MTMR7: variants seen among roughly 807,000 people sequenced by gnomAD.
MTMR7 encodes the protein phosphatidylinositol-3-phosphate phosphatase MTMR7.
A neutral mutation model predicts 81.2 loss-of-function variants in MTMR7; 76 were observed. That is an observed-to-expected ratio of 0.94 (90% CI 0.78 to 1.13). The LOEUF is 1.13. Among genes scored for constraint, MTMR7 ranks in the 50% most tolerant of loss-of-function variants. The probability of loss-of-function intolerance (pLI) is 0.00; values close to 1 mark genes in which losing one functional copy is unlikely to be tolerated. For missense variants in MTMR7, 1,044 were observed against 820.0 expected (o/e 1.27, Z -3.34); for synonymous variants, 372 against 289.8 (o/e 1.28, Z -2.88).
rs184571999 is a variant in MTMR7 at position 17,299,685 on chromosome 8, G to T, written c.*177C>A. On this transcript the variant is annotated 3_prime_UTR_variant, in exon 14 of 14. Coordinates refer to ENST00000180173, the MANE Select transcript of MTMR7 (RefSeq NM_004686.5). ...TATATTTGATAAATGAAATGACTAC[G>T]TCCTCTTCAGTATCTAAGAAATCAA... The T allele has an allele frequency of 1.3e-6, 1 of 754,694 alleles. No homozygotes were observed. The highest frequency in any genetic ancestry group is 3.9e-4 in the Middle Eastern group (1 of 2,546). The allele number at this position is 754,694 out of a possible 1,614,324, so 46.7% of individuals were successfully genotyped here.
intron 1 of MTMR7, among the ~76,000 whole-genome samples, chr8:17,385,665 C>T (rs1159844782): frequency 6.6e-6 from 1 of 152,160 alleles, no homozygotes; most frequent in Non-Finnish European, 1.5e-5. Flanking sequence ...GTACTGTCCT[C>T]ACGATGGTGA....
At chr8:17,331,010 TA>T in intron 7 of MTMR7, 139 bp downstream of exon 7, 1 of 1,036,224 alleles carries the variant, frequency 9.7e-7, no homozygotes, top group Non-Finnish European at 1.4e-6. Context: ...CTTAAGTGTT[TA>T]AAAAGCCACT....
At chr8:17,345,048 C>T (rs1295593568) in intron 5 of MTMR7, among the ~76,000 whole-genome samples, 2 of 152,176 alleles carry the variant, frequency 1.3e-5, no homozygotes, top group Non-Finnish European at 2.9e-5. Flanking sequence ...GAATTCCGAA[C>T]GCACATGACT....
chr8:17,332,035 G>A (rs1326225705), intron 6 of MTMR7, among the ~76,000 whole-genome samples: 1 of 152,184 alleles, frequency 6.6e-6, no homozygotes, highest in Non-Finnish European at 1.5e-5. Flanking sequence ...CTAAAATCAA[G>A]AAGGGGACAA....
chr8:17,368,614 T>A (rs921172045), intron 3 of MTMR7, among the ~76,000 whole-genome samples: 1 of 152,080 alleles, frequency 6.6e-6, no homozygotes, highest in Non-Finnish European at 1.5e-5. Context: ...CATTTCCCCA[T>A]CTCCCTCCAG....
chr8:17,316,791 T>G (rs1337815696), intron 7 of MTMR7, among the ~76,000 whole-genome samples: 2 of 152,176 alleles, frequency 1.3e-5, no homozygotes, highest in African/African-American at 2.4e-5. Flanking sequence ...AGGATGTGCA[T>G]AGGCTATATG....
In MTMR7 at chr8:17,331,301, C is replaced by G; in HGVS notation, c.733-19G>C. On this transcript the variant is annotated intron_variant, in intron 6 of 13. Coordinates refer to ENST00000180173, the MANE Select transcript of MTMR7 (RefSeq NM_004686.5). Reference sequence around the variant, plus strand: ...CATTAAGCTGCAGTGGTCAGCAAAACAGAACAGTCATCAATTACATTGATG... The same window carrying G: ...CATTAAGCTGCAGTGGTCAGCAAAAGAGAACAGTCATCAATTACATTGATG... 2 of 1,566,640 alleles carry G rather than the reference C, an allele frequency of 1.3e-6. No homozygotes were observed. The highest frequency in any genetic ancestry group is 2.4e-5 in the South Asian group (2 of 84,028).
chr8:17,322,115 G>T (rs1419632825), intron 7 of MTMR7, among the ~76,000 whole-genome samples: 2 of 134,860 alleles, frequency 1.5e-5, no homozygotes, highest in African/African-American at 6.3e-5. Context: ...TACCAGCCCA[G>T]CACTTGTCTG....
intron 3 of MTMR7, among the ~76,000 whole-genome samples, chr8:17,368,562 T>C (rs1820308837): frequency 6.6e-6 from 1 of 152,160 alleles, no homozygotes; most frequent in African/African-American, 2.4e-5. Context: ...GACCACCCCA[T>C]CCCCCAGTTG....
chr8:17,328,789 G>T (rs1463659354), intron 7 of MTMR7, among the ~76,000 whole-genome samples: 2 of 152,138 alleles, frequency 1.3e-5, no homozygotes, highest in African/African-American at 4.8e-5. Flanking sequence ...ATTATCAAAA[G>T]GGAAACTATC....
intron 5 of MTMR7, among the ~76,000 whole-genome samples, chr8:17,342,581 AG>A (rs1440107321): frequency 2.0e-5 from 3 of 152,246 alleles, no homozygotes; most frequent in Non-Finnish European, 4.4e-5. Flanking sequence ...ATCTCTCCAA[AG>A]GGCTTGGGTG....
chr8:17,369,639 T>A (rs1193944038), intron 3 of MTMR7, among the ~76,000 whole-genome samples: 2 of 142,438 alleles, frequency 1.4e-5, no homozygotes, highest in Non-Finnish European at 3.1e-5. Context: ...ATTTCTTTTT[T>A]TCTTTTTTTT....
At chr8:17,397,414 G>A (rs562295167) in intron 1 of MTMR7, among the ~76,000 whole-genome samples, 9 of 152,248 alleles carry the variant, frequency 5.9e-5, no homozygotes, top group South Asian at 2.1e-4. Flanking sequence ...GGCTTTAAGC[G>A]AACGTCGGTG....
At chr8:17,341,224 C>G in intron 6 of MTMR7, 139 bp downstream of exon 6, 6 of 1,119,350 alleles carry the variant, frequency 5.4e-6, no homozygotes, top group Non-Finnish European at 7.5e-6. Context: ...GCAGGGTGCC[C>G]AGACACTGAC....
At chr8:17,343,120 T>C (rs1476569892) in intron 5 of MTMR7, among the ~76,000 whole-genome samples, 2 of 152,268 alleles carry the variant, frequency 1.3e-5, no homozygotes, top group South Asian at 2.1e-4. Context: ...GATGATACTT[T>C]ATCCGGGTTA....
At chr8:17,308,490 A>G (rs567219969) in intron 10 of MTMR7, among the ~76,000 whole-genome samples, 63 of 152,356 alleles carry the variant, frequency 4.1e-4, no homozygotes, top group African/African-American at 1.5e-3. Context: ...CTACAAAAAT[A>G]TACTTGAGCA....
At chr8:17,399,783 C>G (rs1048871002) in intron 1 of MTMR7, among the ~76,000 whole-genome samples, 1 of 151,246 alleles carries the variant, frequency 6.6e-6, no homozygotes, top group Non-Finnish European at 1.5e-5. Flanking sequence ...TCACAGTAGT[C>G]GAGATTTGGA....
Position 17,361,402 on chromosome 8 carries a change from T to C in MTMR7, c.311-128A>G, listed in dbSNP as rs916087658. ...CCCAACCCCCACCCCCAGCACACTCTTGGGAGTAACCTGTGTGCAGTGGAT... is the reference window on the plus strand; with the variant it reads ...CCCAACCCCCACCCCCAGCACACTCCTGGGAGTAACCTGTGTGCAGTGGAT... On this transcript the variant is annotated intron_variant, in intron 3 of 13. Coordinates refer to ENST00000180173, the MANE Select transcript of MTMR7 (RefSeq NM_004686.5). 1.6e-5 allele frequency: 15 copies of C among 956,402 alleles called. No homozygotes were observed. In the East Asian group the frequency reaches 3.8e-4, roughly 24 times the overall value. The allele number at this position is 956,402 out of a possible 1,614,324, so 59.2% of individuals were successfully genotyped here.
intron 6 of MTMR7, among the ~76,000 whole-genome samples, chr8:17,336,954 AAT>A (rs1327183214): frequency 6.6e-6 from 1 of 152,224 alleles, no homozygotes; most frequent in African/African-American, 2.4e-5. Flanking sequence ...TGAATCCTGG[AAT>A]GTAAACTGTG....
Sources: gnomAD v4.1 joint callset for allele counts (sites outside exome capture counted in the v4.1 genomes callset) on GRCh38, gnomAD v4.1.1 for gene constraint, MANE v1.5 for transcripts, NCBI Gene and HGNC (gene_info 2026-07-23, HGNC 2026-07-21) for gene names.